UBR4: variants seen among roughly 807,000 people sequenced by gnomAD.
The protein encoded by UBR4 is ubiquitin protein ligase E3 component n-recognin 4.
A neutral mutation model predicts 575.6 loss-of-function variants in UBR4; 124 were observed. That is an observed-to-expected ratio of 0.22 (90% CI 0.19 to 0.25). UBR4 has a LOEUF of 0.25. UBR4 is among the 10% of genes least tolerant of loss of function. The pLI is 1.00. For synonymous variants in UBR4, 2,455 were observed against 2,473.7 expected (o/e 0.99, Z 0.22); for missense variants, 4,818 against 6,478.8 (o/e 0.74, Z 8.80).
At chr1:19,113,615 A>C in intron 77 of UBR4, 84 bp downstream of exon 77, 1 of 1,572,722 alleles carries the variant, frequency 6.4e-7, no homozygotes, top group Non-Finnish European at 8.6e-7. Context: ...GGACTGCTAG[A>C]TGAGAGAGCA....
At chr1:19,124,115 C>CAGGG (rs372725995) in intron 65 of UBR4, among the ~76,000 whole-genome samples, 26 of 152,362 alleles carry the variant, frequency 1.7e-4, no homozygotes, top group Middle Eastern at 3.4e-3. Context: ...CACATCCCCT[C>CAGGG]AGGGAACCCA....
At chr1:19,128,427 A>G in intron 61 of UBR4, 109 bp from the exon 62 acceptor site, 4 of 911,286 alleles carry the variant, frequency 4.4e-6, no homozygotes, top group South Asian at 3.0e-5. Flanking sequence ...CCTATCAATC[A>G]TAACTGTAAT....
chr1:19,155,465 C>T lies in UBR4; in HGVS notation c.6276G>A (p.Leu2092=), dbSNP rs2086315536. ...CCTTCAGGTCCTCATGATTGATTTC[C>T]AACACATTAGTGACATAGAAGGGTC... is the stretch of plus-strand genomic sequence containing the variant. ...QQGPFYVTNV[L]EINHEDLKDS... is the part of the protein sequence containing the mutation. Residue 2092 remains leucine, a synonymous_variant, in exon 43 of 106, where the codon TTG becomes TTA. Transcript: ENST00000375254. 2 of 1,613,892 alleles carry T rather than the reference C, an allele frequency of 1.2e-6. No homozygotes were observed. The highest frequency in any genetic ancestry group is 3.3e-5 in the Admixed American group (2 of 59,974).
chr1:19,199,887 G>C, intron 2 of UBR4, 133 bp from the exon 3 acceptor site: 1 of 711,736 alleles, frequency 1.4e-6, no homozygotes, highest in African/African-American at 1.8e-5. Context: ...AAACCCAAGG[G>C]GTAAACAAAG....
In UBR4 at chr1:19,121,504, G is replaced by A. The variant is rs373767072; in HGVS notation, c.9896-70C>T. ...CCAGACTCAGGAGAACCAAAACAAC[G>A]TCTCCCTACAGCTGAGACTGCCCTG... On this transcript the variant is annotated intron_variant, in intron 67 of 105. Coordinates refer to ENST00000375254, the MANE Select transcript of UBR4 (RefSeq NM_020765.3). 1,019 of 1,549,088 alleles carry A rather than the reference G, an allele frequency of 6.6e-4. 1 individual carries two copies. The highest frequency in any genetic ancestry group is 6.8e-4 in the Non-Finnish European group (783 of 1,147,210).
intron 97 of UBR4, among the ~76,000 whole-genome samples, chr1:19,091,303 T>C (rs966149108): frequency 2.6e-5 from 4 of 152,100 alleles, no homozygotes; most frequent in African/African-American, 9.7e-5. Context: ...CTCCACTGAG[T>C]TGAACAGAAG....
At chr1:19,197,009 T>C (rs1409237028) in intron 8 of UBR4, 132 bp downstream of exon 8, 3 of 1,100,752 alleles carry the variant, frequency 2.7e-6, no homozygotes, top group Admixed American at 2.5e-5. Context: ...TTCACCTTGA[T>C]GCGACGTTAG....
In UBR4 at chr1:19,186,591, T is replaced by A. The variant is rs1301507839; in HGVS notation, c.1699A>T (p.Asn567Tyr). ...CTGAAATCGTCCTCATAGTAAGTAT[T>A]GGAGTCGGTGGAGGCGCTGGCATCG... Reference protein sequence around the residue: ...SSDASASTDSNTYYEDDFSST... With the variant: ...SSDASASTDSYTYYEDDFSST... Residue 567 changes from asparagine to tyrosine, a missense_variant, in exon 14 of 106, where the codon AAT becomes TAT. Coordinates refer to ENST00000375254, the MANE Select transcript of UBR4 (RefSeq NM_020765.3). 1 of 1,614,138 alleles carries A rather than the reference T, an allele frequency of 6.2e-7. No homozygotes were observed. Among genetic ancestry groups the A allele is most frequent in the Non-Finnish European group, 8.5e-7 (1 of 1,180,010 alleles).
chr1:19,153,442 T>C lies in UBR4; in HGVS notation c.6691A>G (p.Ile2231Val). Residue 2231 changes from isoleucine (I) to valine (V), a missense_variant, in exon 46 of 106, where the codon ATT becomes GTT. Ile to Val is a conservative substitution (Grantham distance 29). This residue lies in a region of UBR4 where 461 missense variants were observed against 606.9 expected (regional missense o/e 0.76). Transcript: ENST00000375254. This position sits in a 1 kb window ranked among gnomAD's most constrained non-coding sequence, Gnocchi z 4.1. ...AGGCTGCCATCCTCACACAGCAGAA[T>C]CATTGTTGTCCGCTGCTGCTCATTG... The part of the protein sequence containing the change: ...ACNEQQRTTM[I>V]LLCEDGSLRI... 1 of 1,614,200 alleles carries C rather than the reference T, an allele frequency of 6.2e-7. No homozygotes were observed. The highest frequency in any genetic ancestry group is 8.5e-7 in the Non-Finnish European group (1 of 1,180,036).
intron 85 of UBR4, 51 bp downstream of exon 85, chr1:19,104,997 G>A: frequency 6.3e-7 from 1 of 1,599,064 alleles, no homozygotes; most frequent in Non-Finnish European, 8.5e-7. Flanking sequence ...TTACATCAAG[G>A]TACAAGGGGG....
chr1:19,165,083 G>A lies in UBR4; in HGVS notation c.4313-86C>T, dbSNP rs1248693098. On this transcript the variant is annotated intron_variant, in intron 31 of 105. Transcript: ENST00000375254. Reference sequence around the variant, plus strand: ...GCAAACTGTTGAGCCAGGAAAAGGGGAAATGGCTTCAAAGCAAGTTTTCAA... The same window carrying A: ...GCAAACTGTTGAGCCAGGAAAAGGGAAAATGGCTTCAAAGCAAGTTTTCAA... The A allele has an allele frequency of 2.6e-6, 4 of 1,559,370 alleles. No homozygotes were observed. In the Admixed American group the frequency reaches 5.5e-5, roughly 21 times the overall value.
At chr1:19,164,170 T>A in intron 33 of UBR4, 83 bp downstream of exon 33, 1 of 1,463,822 alleles carries the variant, frequency 6.8e-7, no homozygotes, top group Non-Finnish European at 9.2e-7. Flanking sequence ...AAATTTCTTC[T>A]GTACTCACTT....
chr1:19,121,577 G>C (rs2081183793), intron 67 of UBR4, 143 bp from the exon 68 acceptor site: 11 of 1,137,178 alleles, frequency 9.7e-6, no homozygotes, highest in Non-Finnish European at 1.4e-5. Context: ...ACATTGTGAA[G>C]AAGTTATACT....
chr1:19,120,961 C>T (rs1403379505), intron 68 of UBR4, among the ~76,000 whole-genome samples: 1 of 152,180 alleles, frequency 6.6e-6, no homozygotes, highest in Non-Finnish European at 1.5e-5. Flanking sequence ...ATGTTCAGTG[C>T]ACTTTGACTT....
rs759233433 is a variant in UBR4, at chr1:19,162,598, A to G, written c.4778T>C (p.Leu1593Ser). ...NVMHGKHVMI[L>S]ECTCHIMSYL... ...AGACATGATATGGCATGTGCACTCCAAGATCATCACATGCTGTAAGAGAAG... is the reference window on the plus strand; with the variant it reads ...AGACATGATATGGCATGTGCACTCCGAGATCATCACATGCTGTAAGAGAAG... The change falls in exon 35 of 106, where the codon TTG becomes TCG. Residue 1593 changes from leucine (L) to serine (S), a missense_variant. Around this residue, in one of 29 missense-constraint regions of UBR4, gnomAD observed 1,172 missense variants for 1,259.7 expected, o/e 0.93. Transcript: ENST00000375254. The G allele has an allele frequency of 1.8e-5, 29 of 1,613,096 alleles. No homozygotes were observed. Among genetic ancestry groups the G allele is most frequent in the Non-Finnish European group, 2.3e-5 (27 of 1,179,650 alleles).
intron 1 of UBR4, 89 bp downstream of exon 1, chr1:19,209,984 G>A (rs1282418399): frequency 1.4e-6 from 2 of 1,396,418 alleles, no homozygotes; most frequent in East Asian, 3.1e-5. Context: ...AAGGGGGCAG[G>A]GGGCGGCCCG....
chr1:19,163,974 G>C (rs2087844240), intron 33 of UBR4, 147 bp from the exon 34 acceptor site: 3 of 870,598 alleles, frequency 3.4e-6, no homozygotes, highest in Admixed American at 5.0e-5. Context: ...GTACTATATA[G>C]TTACATAGCT....
intron 22 of UBR4, 152 bp from the exon 23 acceptor site, chr1:19,173,773 A>G (rs1391918827): frequency 6.9e-6 from 5 of 728,360 alleles, no homozygotes; most frequent in Non-Finnish European, 1.1e-5. Context: ...CATTCTCCAG[A>G]TCTTTCTAGA....
chr1:19,161,204 C>G, intron 37 of UBR4, 57 bp from the exon 38 acceptor site: 1 of 1,518,322 alleles, frequency 6.6e-7, no homozygotes, highest in Non-Finnish European at 9.0e-7. Flanking sequence ...AGAGGAAATA[C>G]TGCCTGAGAT....
Sources: gnomAD v4.1 joint callset for allele counts (sites outside exome capture counted in the v4.1 genomes callset) on GRCh38, gnomAD v4.1.1 for gene constraint, gnomAD v4.1.1 regional missense constraint, Gnocchi (gnomAD v3.1) non-coding constraint, MANE v1.5 for transcripts, NCBI Gene and HGNC (gene_info 2026-07-23, HGNC 2026-07-21) for gene names.